PKIB: variants seen among roughly 807,000 people sequenced by gnomAD.
The protein encoded by PKIB is cAMP-dependent protein kinase inhibitor beta.
In PKIB, 2 loss-of-function variants were observed where a neutral mutation model predicts 4.5. That is an observed-to-expected ratio of 0.44 (90% CI 0.18 to 1.39). The LOEUF (loss-of-function observed/expected upper bound fraction) is 1.39, where lower values mean the gene tolerates loss of function less well. PKIB is among the 40% of genes most tolerant of loss of function. The pLI is 0.27. For missense variants in PKIB, 94 were observed against 92.6 expected, an observed-to-expected ratio of 1.02 and a Z score of -0.06; for synonymous variants, 38 against 36.0, an observed-to-expected ratio of 1.06 and a Z score of -0.20.
At chr6:122,590,878 T>C (rs1041422849) in intron 3 of PKIB, among the ~76,000 whole-genome samples, 2 of 152,176 alleles carry the variant, frequency 1.3e-5, no homozygotes, top group African/African-American at 4.8e-5. Flanking sequence ...TAATGACTTC[T>C]GTTGGCAAAG....
chr6:122,536,284 G>A (rs1302410874), intron 2 of PKIB, among the ~76,000 whole-genome samples: 1 of 152,124 alleles, frequency 6.6e-6, no homozygotes, highest in Non-Finnish European at 1.5e-5. Flanking sequence ...GTGAAAAAAA[G>A]ACAGTGGAAA....
chr6:122,547,923 T>G (rs1020200702), intron 2 of PKIB, among the ~76,000 whole-genome samples: 4 of 152,182 alleles, frequency 2.6e-5, no homozygotes, highest in Admixed American at 1.3e-4. Context: ...GGATGTCTCC[T>G]TTGGCCTATC....
chr6:122,587,900 T>C (rs1056379626), intron 3 of PKIB, among the ~76,000 whole-genome samples: 1 of 152,194 alleles, frequency 6.6e-6, no homozygotes, highest in African/African-American at 2.4e-5. Context: ...TTTGTTTGAG[T>C]TCATTGTAGA....
At chr6:122,475,924 C>T (rs534992593) in intron 1 of PKIB, among the ~76,000 whole-genome samples, 8 of 152,274 alleles carry the variant, frequency 5.3e-5, no homozygotes, top group African/African-American at 1.9e-4. Context: ...CATCTTTGGT[C>T]CCATAATCCT....
At chr6:122,545,768 C>T (rs1426019499) in intron 2 of PKIB, among the ~76,000 whole-genome samples, 1 of 150,804 alleles carries the variant, frequency 6.6e-6, no homozygotes, top group Non-Finnish European at 1.5e-5. Flanking sequence ...CAAACCTGCA[C>T]CTGTATCCCT....
intron 2 of PKIB, among the ~76,000 whole-genome samples, chr6:122,578,001 T>G (rs993250840): frequency 2.1e-5 from 3 of 144,822 alleles, no homozygotes; most frequent in African/African-American, 5.1e-5. Context: ...GTTAGAGGAG[T>G]TTTTTTTTTG....
intron 2 of PKIB, among the ~76,000 whole-genome samples, chr6:122,668,191 A>G (rs939403712): frequency 6.6e-6 from 1 of 152,204 alleles, no homozygotes; most frequent in Non-Finnish European, 1.5e-5. Context: ...GTCATTAAGT[A>G]AAAAAATGAC....
rs1383551178 is a variant in PKIB, at chr6:122,500,366, CTG to C, written c.-248+22428_-248+22429del. ...ATATTAATAAAATAGAATTGTAACA[CTG>C]AGGAAGGGAAGAGAAGATTGCTTCT... On this transcript the variant is annotated intron_variant, in intron 2 of 6. Coordinates refer to the PKIB transcript ENST00000392491. Among the ~76,000 whole-genome samples the C allele has an allele frequency of 4.7e-5, 7 of 148,578 alleles. No individual in the cohort carries two copies. In the East Asian group the frequency reaches 1.5e-3, roughly 31 times the overall value.
intron 2 of PKIB, among the ~76,000 whole-genome samples, chr6:122,513,721 C>T (rs1047091518): frequency 6.6e-5 from 10 of 152,120 alleles, no homozygotes; most frequent in African/African-American, 2.2e-4. Flanking sequence ...CAAGTGAGAT[C>T]GTGCAATATT....
intron 3 of PKIB, among the ~76,000 whole-genome samples, chr6:122,594,356 G>A (rs1294343855): frequency 2.6e-5 from 4 of 151,876 alleles, no homozygotes; most frequent in African/African-American, 7.3e-5. Flanking sequence ...ACAGGCGTGC[G>A]CCACCATGCC....
chr6:122,548,997 A>G (rs1012751604), intron 2 of PKIB, among the ~76,000 whole-genome samples: 3 of 152,218 alleles, frequency 2.0e-5, no homozygotes, highest in Admixed American at 1.3e-4. Context: ...ACACAACAGT[A>G]ACTTCCTTAC....
chr6:122,686,380 A>G (rs1161073240), intron 3 of PKIB, among the ~76,000 whole-genome samples: 3 of 151,744 alleles, frequency 2.0e-5, no homozygotes, highest in African/African-American at 7.3e-5. Context: ...ATTGGTTTCT[A>G]TTTGCATTTC....
intron 2 of PKIB, among the ~76,000 whole-genome samples, chr6:122,573,319 G>A (rs1167497178): frequency 6.6e-6 from 1 of 151,962 alleles, no homozygotes. Context: ...CTTAAACCCA[G>A]AAGGTTAAAA....
At chr6:122,702,778 AC>A (rs1336524090) in intron 3 of PKIB, among the ~76,000 whole-genome samples, 3 of 152,190 alleles carry the variant, frequency 2.0e-5, no homozygotes, top group Non-Finnish European at 4.4e-5. Flanking sequence ...AATTTTTTTC[AC>A]TATTTGAGAA....
intron 2 of PKIB, among the ~76,000 whole-genome samples, chr6:122,515,132 CAT>C (rs1213949053): frequency 6.6e-6 from 1 of 152,154 alleles, no homozygotes; most frequent in East Asian, 1.9e-4. Flanking sequence ...GACATTAACT[CAT>C]AAAATATTCA....
chr6:122,599,890 T>C (rs993321203), intron 3 of PKIB, among the ~76,000 whole-genome samples: 1 of 152,186 alleles, frequency 6.6e-6, no homozygotes, highest in Non-Finnish European at 1.5e-5. Flanking sequence ...AACTCCATCC[T>C]TAATATTCTG....
chr6:122,674,262 A>G (rs897782709), intron 2 of PKIB, among the ~76,000 whole-genome samples: 1 of 152,188 alleles, frequency 6.6e-6, no homozygotes, highest in Admixed American at 6.5e-5. Flanking sequence ...AAATAATTCT[A>G]CCTGACACCT....
chr6:122,536,797 A>G (rs1777418672), intron 2 of PKIB, among the ~76,000 whole-genome samples: 1 of 152,026 alleles, frequency 6.6e-6, no homozygotes, highest in African/African-American at 2.4e-5. Flanking sequence ...TAAAAGAGAG[A>G]AAAACAAAGC....
At chr6:122,638,822 G>T (rs1005869746) in intron 2 of PKIB, among the ~76,000 whole-genome samples, 1 of 152,090 alleles carries the variant, frequency 6.6e-6, no homozygotes, top group Non-Finnish European at 1.5e-5. Context: ...AGAACTTTTA[G>T]ACATTCATGA....
Sources: gnomAD v4.1 joint callset for allele counts (sites outside exome capture counted in the v4.1 genomes callset) on GRCh38, gnomAD v4.1.1 for gene constraint, MANE v1.5 for transcripts, NCBI Gene and HGNC (gene_info 2026-07-23, HGNC 2026-07-21) for gene names.